Variants in BNC2 observed in about 807,000 individuals in gnomAD.
BNC2 encodes the protein basonuclin zinc finger protein 2.
A neutral mutation model predicts 76.3 loss-of-function variants in BNC2; 20 were observed. The observed-to-expected ratio is 0.26, with a 90% CI of 0.18 to 0.38. The LOEUF is 0.38. Ranked by LOEUF, BNC2 falls within the 10% of genes least tolerant of loss-of-function variation. BNC2 has a pLI of 1.00. For synonymous variants in BNC2, 582 were observed against 514.8 expected (o/e 1.13, Z -1.77); for missense variants, 1,382 against 1,399.8 (o/e 0.99, Z 0.20).
chr9:16,739,451 C>G (rs931907869), intron 1 of BNC2, among the ~76,000 whole-genome samples: 2 of 152,166 alleles, frequency 1.3e-5, no homozygotes, highest in African/African-American at 4.8e-5. Flanking sequence ...GGCAGATAAC[C>G]TAAAGTCAGG....
chr9:16,660,453 T>C (rs1587285487), intron 3 of BNC2, among the ~76,000 whole-genome samples: 1 of 133,674 alleles, frequency 7.5e-6, no homozygotes, highest in African/African-American at 3.2e-5. Flanking sequence ...AAAGTCCATC[T>C]CAAAAAAAAA....
intron 3 of BNC2, among the ~76,000 whole-genome samples, chr9:16,684,738 T>C (rs916065409): frequency 3.3e-5 from 5 of 152,162 alleles, no homozygotes; most frequent in African/African-American, 1.2e-4. Flanking sequence ...CCTGCATCTT[T>C]GCATTGGCAC....
At chr9:16,484,711 G>A (rs753337845) in intron 5 of BNC2, among the ~76,000 whole-genome samples, 4 of 152,106 alleles carry the variant, frequency 2.6e-5, no homozygotes, top group Admixed American at 6.5e-5. Context: ...GTATATACCC[G>A]ATCAAGCTCT....
At chr9:16,810,028 T>C (rs1426467239) in intron 1 of BNC2, among the ~76,000 whole-genome samples, 1 of 152,180 alleles carries the variant, frequency 6.6e-6, no homozygotes, top group African/African-American at 2.4e-5. Context: ...AAGGTATGAT[T>C]AAAGAAGCTC....
At chr9:16,796,981 G>A (rs1339123193) in intron 1 of BNC2, among the ~76,000 whole-genome samples, 1 of 152,116 alleles carries the variant, frequency 6.6e-6, no homozygotes, top group Non-Finnish European at 1.5e-5. Context: ...CAAAACAAGA[G>A]GTAGCTTTTG....
At chr9:16,432,562 C>G (rs1219979354) in intron 6 of BNC2, among the ~76,000 whole-genome samples, 2 of 152,174 alleles carry the variant, frequency 1.3e-5, no homozygotes, top group African/African-American at 4.8e-5. Flanking sequence ...AGTCTGCTTT[C>G]GTAAACAGAA....
At chr9:16,751,814 G>C (rs1690349582) in intron 1 of BNC2, among the ~76,000 whole-genome samples, 2 of 151,910 alleles carry the variant, frequency 1.3e-5, no homozygotes, top group Non-Finnish European at 2.9e-5. Context: ...TTTATCACTT[G>C]AGGTCAGGAG....
At chr9:16,854,733 A>T (rs958856373) in intron 1 of BNC2, among the ~76,000 whole-genome samples, 3 of 152,050 alleles carry the variant, frequency 2.0e-5, no homozygotes, top group Non-Finnish European at 2.9e-5. Context: ...ACTAGCTCCC[A>T]GGACAGTTGC....
Position 16,727,811 on chromosome 9 carries a change from T to C in BNC2, c.316A>G (p.Arg106Gly). 6.2e-7 allele frequency: 1 copy of C among 1,614,006 alleles called. No homozygotes were observed. The highest frequency in any genetic ancestry group is 8.5e-7 in the Non-Finnish European group (1 of 1,179,912). The change falls in exon 3 of 7, where the codon AGA becomes GGA. Residue 106 changes from arginine to glycine, a missense_variant. Arg to Gly is a moderately radical substitution (Grantham distance 125). Transcript: ENST00000380672. ...AAGTAACTTACCTGTTGGGACATTC[T>C]GAATAAGAGGTTAGTATCAGCGTTT... ...WQNADTNLLF[R>G]MSQQAIRCTL...
rs192900495 is a variant in BNC2 at position 16,782,111 on chromosome 9, C to G, written c.4-43626G>C. Among the ~76,000 whole-genome samples the G allele has an allele frequency of 3.2e-3, 482 of 151,994 alleles. 2 individuals carry two copies. In the South Asian group the frequency reaches 0.032, roughly 10 times the overall value. On this transcript the variant is annotated intron_variant, in intron 1 of 6. Transcript: ENST00000380672. Reference sequence around the variant, plus strand: ...ACCAGCCTGGCCAACATGAGGAAACCCCATCTCTACTAAAAATACAAAAAT... The same window carrying G: ...ACCAGCCTGGCCAACATGAGGAAACGCCATCTCTACTAAAAATACAAAAAT...
intron 1 of BNC2, among the ~76,000 whole-genome samples, chr9:16,792,286 C>T (rs1440019474): frequency 1.3e-5 from 2 of 152,070 alleles, no homozygotes; most frequent in South Asian, 2.1e-4. Flanking sequence ...ATAACTTGTC[C>T]AAAAGCATGC....
intron 4 of BNC2, among the ~76,000 whole-genome samples, chr9:16,570,193 A>G (rs1563844106): frequency 6.6e-6 from 1 of 152,340 alleles, no homozygotes; most frequent in East Asian, 1.9e-4. Flanking sequence ...TATATGCTTT[A>G]AACTATCACA....
intron 3 of BNC2, among the ~76,000 whole-genome samples, chr9:16,725,638 C>T (rs1824293599): frequency 6.6e-6 from 1 of 152,148 alleles, no homozygotes; most frequent in Non-Finnish European, 1.5e-5. Flanking sequence ...AATTAGTTCC[C>T]TATATTTCTA....
chr9:16,679,961 G>A (rs898244374), intron 3 of BNC2, among the ~76,000 whole-genome samples: 1 of 152,188 alleles, frequency 6.6e-6, no homozygotes, highest in Non-Finnish European at 1.5e-5. Context: ...CTTTTCCACA[G>A]GGATCTGTTT....
At chr9:16,455,872 C>T (rs953981219) in intron 5 of BNC2, among the ~76,000 whole-genome samples, 13 of 151,880 alleles carry the variant, frequency 8.6e-5, no homozygotes, top group African/African-American at 3.1e-4. Flanking sequence ...TTTTACTTTT[C>T]ATACCTAGTA....
intron 1 of BNC2, among the ~76,000 whole-genome samples, chr9:16,815,544 T>C (rs751382426): frequency 3.3e-5 from 5 of 152,204 alleles, no homozygotes; most frequent in Non-Finnish European, 7.3e-5. Flanking sequence ...GATCTAAAGA[T>C]AAGTCAATGA....
intron 1 of BNC2, chr9:16,775,582 A>G: frequency 6.0e-6 from 1 of 166,200 alleles, no homozygotes; most frequent in Non-Finnish European, 1.4e-5. Flanking sequence ...CTTAATACTC[A>G]TCAAGAGTAT....
At chr9:16,615,779 G>A (rs970193499) in intron 3 of BNC2, among the ~76,000 whole-genome samples, 4 of 152,242 alleles carry the variant, frequency 2.6e-5, no homozygotes, top group Admixed American at 6.5e-5. Context: ...GAACTTAGAC[G>A]AGTGGAAGGA....
At chr9:16,796,560 A>T (rs1817655140) in intron 1 of BNC2, among the ~76,000 whole-genome samples, 1 of 124,554 alleles carries the variant, frequency 8.0e-6, no homozygotes, top group Admixed American at 8.4e-5. Context: ...TGACAGAGTG[A>T]GACTCCGTCT....
Sources: allele counts gnomAD v4.1 joint callset (sites outside exome capture counted in the v4.1 genomes callset), GRCh38; gene constraint gnomAD v4.1.1; transcripts MANE v1.5; gene names NCBI Gene and HGNC (gene_info 2026-07-23, HGNC 2026-07-21).